Variants in LRIG1 observed in about 807,000 individuals in gnomAD.
LRIG1 encodes leucine rich repeats and immunoglobulin like domains 1.
In LRIG1, 48 loss-of-function variants were observed where a neutral mutation model predicts 99.2. That is an observed-to-expected ratio of 0.48 (90% CI 0.38 to 0.62). The LOEUF (loss-of-function observed/expected upper bound fraction) is 0.62. Among genes scored for constraint, LRIG1 ranks in the 20% least tolerant of loss-of-function variants. LRIG1 has a pLI of 0.00. For missense variants in LRIG1, 1,646 were observed against 1,434.4 expected (o/e 1.15, Z -2.38); for synonymous variants, 772 against 596.1 (o/e 1.29, Z -4.30).
At chr3:66,385,302 G>A (rs1701318307) in intron 13 of LRIG1, among the ~76,000 whole-genome samples, 1 of 152,208 alleles carries the variant, frequency 6.6e-6, no homozygotes, top group South Asian at 2.1e-4. Context: ...GCAGTAGCTA[G>A]CCTCTGACTC....
At chr3:66,483,938 A>G (rs764828670) in intron 1 of LRIG1, among the ~76,000 whole-genome samples, 1 of 152,228 alleles carries the variant, frequency 6.6e-6, no homozygotes, top group Non-Finnish European at 1.5e-5. Context: ...CACTGCTTTA[A>G]CTACAAAGCC....
chr3:66,500,419 C>G lies in LRIG1; in HGVS notation c.-12G>C, dbSNP rs1380689969. 5.1e-6 allele frequency: 7 copies of G among 1,369,398 alleles called. No homozygotes were observed. The highest frequency in any genetic ancestry group is 6.6e-6 in the Non-Finnish European group (7 of 1,068,090). The allele number at this position is 1,369,398 out of a possible 1,614,324, so 84.8% of individuals were successfully genotyped here. On this transcript the variant is annotated 5_prime_UTR_variant, in exon 1 of 19. Coordinates refer to ENST00000273261, the MANE Select transcript of LRIG1 (RefSeq NM_015541.3). ...ACCGGCCGCGCCATCTTGTCTGGAG[C>G]GCGCTGCGAACTCCGGGCGCGGGGA...
intron 1 of LRIG1, among the ~76,000 whole-genome samples, chr3:66,480,961 C>T (rs1185172457): frequency 6.6e-6 from 1 of 152,086 alleles, no homozygotes; most frequent in Non-Finnish European, 1.5e-5. Context: ...TAATAGCATG[C>T]TATTTCTGGA....
chr3:66,407,316 C>G, intron 8 of LRIG1, 32 bp downstream of exon 8: 2 of 1,613,248 alleles, frequency 1.2e-6, no homozygotes, highest in Non-Finnish European at 8.5e-7. Context: ...CCACTGGGGA[C>G]CCCTTTATCC....
chr3:66,419,681 A>C (rs1702742317), intron 3 of LRIG1, among the ~76,000 whole-genome samples: 1 of 152,134 alleles, frequency 6.6e-6, no homozygotes, highest in Non-Finnish European at 1.5e-5. Flanking sequence ...ACAGTGGGCC[A>C]GGAGAGAGAT....
chr3:66,409,032 C>A (rs1702376924), intron 7 of LRIG1, among the ~76,000 whole-genome samples: 1 of 150,548 alleles, frequency 6.6e-6, no homozygotes, highest in South Asian at 2.1e-4. Flanking sequence ...AGACCAGACA[C>A]AAACACCAGC....
In LRIG1 at chr3:66,380,359, G is replaced by T. The variant is rs767537467; in HGVS notation, c.3186C>A (p.Leu1062=). ...CGGGACTGGCGTCACATGCTTTGGGGAGGTGGCCATTGGAAACAAGCAAGT... is the reference window on the plus strand; with the variant it reads ...CGGGACTGGCGTCACATGCTTTGGGTAGGTGGCCATTGGAAACAAGCAAGT... ...AQYLLVSNGH[L]PKACDASPES... Residue 1062 remains leucine, a synonymous_variant, in exon 19 of 19, where the codon CTC becomes CTA. Transcript: ENST00000273261. 1 of 1,614,078 alleles carries T rather than the reference G, an allele frequency of 6.2e-7. No individual in the cohort carries two copies. The highest frequency in any genetic ancestry group is 1.3e-5 in the African/African-American group (1 of 74,936).
At chr3:66,461,304 TAAACAAAC>T (rs561157168) in intron 2 of LRIG1, among the ~76,000 whole-genome samples, 20 of 151,968 alleles carry the variant, frequency 1.3e-4, no homozygotes, top group South Asian at 2.1e-4. Flanking sequence ...GACCCTGTCT[TAAACAAAC>T]AAACAAACAA....
chr3:66,499,510 T>C (rs1035071593), intron 1 of LRIG1, among the ~76,000 whole-genome samples: 22 of 151,944 alleles, frequency 1.4e-4, no homozygotes, highest in African/African-American at 4.8e-4. Flanking sequence ...CAAACAGGCG[T>C]AAAAGGACAA....
intron 3 of LRIG1, among the ~76,000 whole-genome samples, chr3:66,420,582 C>T (rs1575677193): frequency 6.6e-6 from 1 of 152,346 alleles, no homozygotes; most frequent in Non-Finnish European, 1.5e-5. Flanking sequence ...GTTGTATATA[C>T]ATGCAATGAG....
In LRIG1 at chr3:66,500,536, A is replaced by G; in HGVS notation, c.-129T>C. ...CGCACCGGGGCATGGCCCCCGCCCC[A>G]AGTTCTCTCTGCGGCCGCGGCTCCG... On this transcript the variant is annotated 5_prime_UTR_variant, in exon 1 of 19. Transcript: ENST00000273261. The G allele has an allele frequency of 1.1e-5, 5 of 449,826 alleles. No homozygotes were observed. The highest frequency in any genetic ancestry group is 1.8e-5 in the Non-Finnish European group (5 of 276,244). 27.9% of individuals were successfully genotyped at this position (449,826 alleles called of 1,614,324 possible).
chr3:66,429,542 ATATTT>A (rs1303442564), intron 3 of LRIG1, among the ~76,000 whole-genome samples: 1 of 152,212 alleles, frequency 6.6e-6, no homozygotes, highest in Non-Finnish European at 1.5e-5. Context: ...GACAGTAACA[ATATTT>A]AACTGCCAGA....
At chr3:66,451,448 C>T in intron 3 of LRIG1, 111 bp downstream of exon 3, 1 of 813,550 alleles carries the variant, frequency 1.2e-6, no homozygotes, top group Non-Finnish European at 2.0e-6. Flanking sequence ...AAAGGTCTTT[C>T]TTCACCAGCG....
At chr3:66,446,676 G>A (rs993308160) in intron 3 of LRIG1, among the ~76,000 whole-genome samples, 1 of 151,984 alleles carries the variant, frequency 6.6e-6, no homozygotes, top group African/African-American at 2.4e-5. Flanking sequence ...AAACTGCTGG[G>A]ATTACAGGTG....
rs1370520364 is a variant in LRIG1 at position 66,383,075 on chromosome 3, C to T, written c.2398G>A (p.Val800Ile). Residue 800 changes from valine to isoleucine, a missense_variant, in exon 15 of 19, where the codon GTC (valine) becomes ATC (isoleucine). Transcript: ENST00000273261. The stretch of plus-strand genomic sequence containing the variant: ...GACGTCAGGACGATGCTGCTCACGA[C>T]AGCAATGGTGAAGATGCCTACCGTG... ...GTTVGIFTIA[V>I]VSSIVLTSLV... 2 of 1,614,134 alleles carry T rather than the reference C, an allele frequency of 1.2e-6. No homozygotes were observed. The highest frequency in any genetic ancestry group is 1.7e-6 in the Non-Finnish European group (2 of 1,180,058).
At chr3:66,480,714 TAG>T (rs1375568076) in intron 1 of LRIG1, among the ~76,000 whole-genome samples, 1 of 152,202 alleles carries the variant, frequency 6.6e-6, no homozygotes, top group Non-Finnish European at 1.5e-5. Context: ...AAACCTCAGC[TAG>T]AGTTTACCCT....
At chr3:66,382,483 G>A (rs923183216) in intron 15 of LRIG1, 85 bp from the exon 16 acceptor site, 14 of 1,505,088 alleles carry the variant, frequency 9.3e-6, no homozygotes, top group Non-Finnish European at 1.3e-5. Flanking sequence ...TCAGAAAGGG[G>A]ATCCTCCCAG....
chr3:66,398,208 T>C lies in LRIG1; in HGVS notation c.1233-25A>G, dbSNP rs765289917. The C allele has an allele frequency of 1.0e-5, 16 of 1,599,572 alleles. No homozygotes were observed. The African/African-American group carries it at 1.1e-4, about 11-fold the overall frequency. On this transcript the variant is annotated intron_variant, in intron 10 of 18. Transcript: ENST00000273261. ...CCTGAAACAGAACATACATTACTTA[T>C]GCAAAGAAACCCTAGGTACACCTGA...
intron 13 of LRIG1, 93 bp from the exon 14 acceptor site, chr3:66,384,365 A>C: frequency 7.4e-7 from 1 of 1,350,444 alleles, no homozygotes; most frequent in South Asian, 1.3e-5. Context: ...CACTGTGCCC[A>C]GTGCCAGTTC....
Sources: allele counts gnomAD v4.1 joint callset (sites outside exome capture counted in the v4.1 genomes callset), GRCh38; gene constraint gnomAD v4.1.1; transcripts MANE v1.5; gene names NCBI Gene and HGNC (gene_info 2026-07-23, HGNC 2026-07-21).